TSHZ3: variants seen among roughly 807,000 people sequenced by gnomAD.
The protein encoded by TSHZ3 is teashirt zinc finger homeobox 3.
A neutral mutation model predicts 64.5 loss-of-function variants in TSHZ3; 10 were observed. The observed-to-expected ratio is 0.16, with a 90% CI of 0.10 to 0.26. The LOEUF (loss-of-function observed/expected upper bound fraction) is 0.26. TSHZ3 is among the 10% of genes least tolerant of loss of function. The probability of loss-of-function intolerance (pLI) is 1.00; values close to 1 mark genes in which losing one functional copy is unlikely to be tolerated. For missense variants in TSHZ3, 1,242 were observed against 1,421.7 expected (o/e 0.87, Z 2.03); for synonymous variants, 608 against 593.1 (o/e 1.03, Z -0.36).
chr19:31,165,666 C>A (rs941280526), intron 5 of TSHZ3, among the ~76,000 whole-genome samples: 10 of 152,018 alleles, frequency 6.6e-5, no homozygotes, highest in Non-Finnish European at 1.5e-4. Flanking sequence ...CGGGGAGATC[C>A]AATATTGTAA....
rs188665444 is a variant in TSHZ3, at chr19:31,265,080, A to G, written n.64-22205T>C. Reference sequence around the variant, plus strand: ...AGACACTGCCTGCCCCATTAGGAGAACCTGCTCCCAGTGGGTCACAAAAAT... The same window carrying G: ...AGACACTGCCTGCCCCATTAGGAGAGCCTGCTCCCAGTGGGTCACAAAAAT... On this transcript the variant is annotated intron_variant and non_coding_transcript_variant, in intron 1 of 6. Coordinates refer to the TSHZ3 transcript ENST00000651361. 2.5e-4 allele frequency among the ~76,000 whole-genome samples: 38 copies of G among 152,172 alleles called. No homozygotes were observed. In the East Asian group the frequency reaches 7.4e-3, roughly 29 times the overall value.
Position 31,278,241 on chromosome 19 carries a change from C to G in TSHZ3, c.1552G>C (p.Gly518Arg), listed in dbSNP as rs537548149. The change falls in exon 2 of 2, where the codon GGG becomes CGG. Residue 518 changes from glycine (G) to arginine (R), a missense_variant. Physicochemically the swap from Gly to Arg is moderately radical, Grantham distance 125. Transcript: ENST00000240587. This position sits in a 1 kb window ranked among gnomAD's most constrained non-coding sequence, Gnocchi z 4.7. ...AAGGATTTGAGGATATCAAGCCCCCCCTTGGGACTCTCTTCTAAGTCATTT... is the reference window on the plus strand; with the variant it reads ...AAGGATTTGAGGATATCAAGCCCCCGCTTGGGACTCTCTTCTAAGTCATTT... Reference protein sequence around the residue: ...TENDLEESPKGGLDILKSLEN... With the variant: ...TENDLEESPKRGLDILKSLEN... 8 of 1,614,182 alleles carry G rather than the reference C, an allele frequency of 5.0e-6. No homozygotes were observed. Among genetic ancestry groups the G allele is most frequent in the Admixed American group, 1.7e-5 (1 of 60,026 alleles).
chr19:31,198,491 GA>G (rs1975025617), intron 5 of TSHZ3, among the ~76,000 whole-genome samples: 1 of 151,898 alleles, frequency 6.6e-6, no homozygotes, highest in African/African-American at 2.4e-5. Flanking sequence ...AGGAGGAAAT[GA>G]AATTGTCTTT....
intron 1 of TSHZ3, among the ~76,000 whole-genome samples, chr19:31,325,584 A>T (rs974026559): frequency 2.0e-5 from 3 of 152,144 alleles, no homozygotes; most frequent in Non-Finnish European, 4.4e-5. Flanking sequence ...GTGGGAAGCG[A>T]AATGTGTGTG....
At chr19:31,249,975 G>T (rs62101252) in intron 1 of TSHZ3, among the ~76,000 whole-genome samples, 1 of 152,158 alleles carries the variant, frequency 6.6e-6, no homozygotes, top group Non-Finnish European at 1.5e-5. Flanking sequence ...CTGGAGCCTC[G>T]GTTCTCCTGG....
chr19:31,166,669 C>T (rs1974456385), intron 5 of TSHZ3, among the ~76,000 whole-genome samples: 1 of 152,166 alleles, frequency 6.6e-6, no homozygotes, highest in African/African-American at 2.4e-5. Flanking sequence ...CTGTCTAGGG[C>T]AGTCAAGATG....
intron 4 of TSHZ3, among the ~76,000 whole-genome samples, chr19:31,220,940 C>T (rs975646350): frequency 2.6e-5 from 4 of 152,168 alleles, no homozygotes; most frequent in Non-Finnish European, 4.4e-5. Flanking sequence ...AAGCAACAGG[C>T]AAATCCACCA....
chr19:31,287,664 T>C (rs921839024), intron 1 of TSHZ3, among the ~76,000 whole-genome samples: 3 of 152,000 alleles, frequency 2.0e-5, no homozygotes, highest in African/African-American at 4.8e-5. Flanking sequence ...CCAAAGGGCA[T>C]GGGAGGTAGG....
At chr19:31,166,385 C>G (rs766592746) in intron 5 of TSHZ3, among the ~76,000 whole-genome samples, 1 of 152,144 alleles carries the variant, frequency 6.6e-6, no homozygotes, top group Non-Finnish European at 1.5e-5. Flanking sequence ...GGGCAGGGAG[C>G]CTGGAGAAAG....
chr19:31,171,732 G>A (rs1423015602), intron 5 of TSHZ3, among the ~76,000 whole-genome samples: 1 of 152,150 alleles, frequency 6.6e-6, no homozygotes, highest in Non-Finnish European at 1.5e-5. Context: ...CTCCCTGTGG[G>A]GTAGGAGTGG....
intron 6 of TSHZ3, among the ~76,000 whole-genome samples, chr19:31,155,984 T>A (rs1439867406): frequency 1.3e-5 from 2 of 152,240 alleles, no homozygotes; most frequent in Non-Finnish European, 2.9e-5. Context: ...ATGATCACAT[T>A]GCTTTGCTTT....
At chr19:31,156,021 C>G (rs1974302069) in intron 6 of TSHZ3, among the ~76,000 whole-genome samples, 1 of 152,186 alleles carries the variant, frequency 6.6e-6, no homozygotes, top group Non-Finnish European at 1.5e-5. Flanking sequence ...CAATCTGGCT[C>G]AACTATTGGA....
At chr19:31,221,071 T>C (rs946330472) in intron 4 of TSHZ3, among the ~76,000 whole-genome samples, 4 of 152,202 alleles carry the variant, frequency 2.6e-5, no homozygotes, top group Admixed American at 6.5e-5. Flanking sequence ...ACTATGTATA[T>C]TCACCCAACA....
At chr19:31,155,169 C>T (rs1262601083) in intron 6 of TSHZ3, among the ~76,000 whole-genome samples, 9 of 152,240 alleles carry the variant, frequency 5.9e-5, no homozygotes, top group Non-Finnish European at 1.2e-4. Flanking sequence ...ATCCTCACAG[C>T]CGCCTGAACA....
chr19:31,234,016 TTAACACTATCTAGTCTTCCCATCCAC>T (rs1975575333), intron 3 of TSHZ3, among the ~76,000 whole-genome samples: 1 of 152,084 alleles, frequency 6.6e-6, no homozygotes, highest in South Asian at 2.1e-4. Flanking sequence ...AAAGAACATC[TTAACACTATCTAGTCTTCCCATCCAC>T]TAACAGGACA....
chr19:31,183,997 C>G (rs549952050), intron 5 of TSHZ3, among the ~76,000 whole-genome samples: 1 of 152,222 alleles, frequency 6.6e-6, no homozygotes, highest in South Asian at 2.1e-4. Context: ...GATAAAGTCT[C>G]ATAAATCTAG....
At chr19:31,344,171 TA>T (rs1360940768) in intron 1 of TSHZ3, among the ~76,000 whole-genome samples, 1 of 152,154 alleles carries the variant, frequency 6.6e-6, no homozygotes, top group Non-Finnish European at 1.5e-5. Flanking sequence ...AGAGCATAAC[TA>T]AAACACAGAC....
At chr19:31,265,412 A>AG (rs1334843959) in intron 1 of TSHZ3, among the ~76,000 whole-genome samples, 7 of 149,886 alleles carry the variant, frequency 4.7e-5, no homozygotes, top group Non-Finnish European at 1.0e-4. Flanking sequence ...AAAAAAAAAA[A>AG]AAAAAAAAGA....
intron 1 of TSHZ3, among the ~76,000 whole-genome samples, chr19:31,260,341 A>G (rs1001677732): frequency 6.6e-6 from 1 of 152,170 alleles, no homozygotes; most frequent in Non-Finnish European, 1.5e-5. Context: ...AACTAAGTAC[A>G]GCCAGTCCGG....
Sources: allele counts gnomAD v4.1 joint callset (sites outside exome capture counted in the v4.1 genomes callset), GRCh38; gene constraint gnomAD v4.1.1; non-coding constraint Gnocchi (gnomAD v3.1); transcripts MANE v1.5; gene names NCBI Gene and HGNC (gene_info 2026-07-23, HGNC 2026-07-21).